The following DDAH1 variants were observed in gnomAD, a reference collection of about 807,000 sequenced individuals.
The protein encoded by DDAH1 is dimethylarginine dimethylaminohydrolase 1.
A neutral mutation model predicts 28.8 loss-of-function variants in DDAH1; 19 were observed. That is an observed-to-expected ratio of 0.66 (90% CI 0.46 to 0.97). DDAH1 has a LOEUF of 0.97. DDAH1 is among the 50% of genes least tolerant of loss of function. The pLI is 0.00. For synonymous variants in DDAH1, 153 were observed against 154.4 expected (o/e 0.99, Z 0.07); for missense variants, 326 against 375.9 (o/e 0.87, Z 1.10).
At chr1:85,547,187 C>T (rs1207873563) in intron 1 of DDAH1, among the ~76,000 whole-genome samples, 1 of 152,196 alleles carries the variant, frequency 6.6e-6, no homozygotes, top group African/African-American at 2.4e-5. Context: ...AGGTTAGCAA[C>T]TTCACTGAGC....
At chr1:85,460,868 GT>G (rs532119313) in intron 1 of DDAH1, among the ~76,000 whole-genome samples, 1 of 152,280 alleles carries the variant, frequency 6.6e-6, no homozygotes, top group African/African-American at 2.4e-5. Flanking sequence ...CTACACAAAA[GT>G]TTTAATTTAA....
intron 1 of DDAH1, among the ~76,000 whole-genome samples, chr1:85,534,944 T>C (rs187120524): frequency 6.6e-6 from 1 of 152,178 alleles, no homozygotes; most frequent in Admixed American, 6.5e-5. Context: ...TGTATACACG[T>C]GACCAAAAAC....
intron 4 of DDAH1, among the ~76,000 whole-genome samples, chr1:85,334,360 G>A (rs549408233): frequency 2.8e-4 from 42 of 151,870 alleles, no homozygotes; most frequent in Non-Finnish European, 4.4e-4. Context: ...GTATGAAAAC[G>A]GACTAATACA....
chr1:85,475,332 G>A (rs922047761), intron 2 of DDAH1, among the ~76,000 whole-genome samples: 2 of 152,196 alleles, frequency 1.3e-5, no homozygotes, highest in South Asian at 2.1e-4. Flanking sequence ...GGAGGAGAAG[G>A]GGGAGGAGGA....
chr1:85,480,324 C>T (rs1038345904), intron 2 of DDAH1, among the ~76,000 whole-genome samples: 1 of 152,098 alleles, frequency 6.6e-6, no homozygotes, highest in African/African-American at 2.4e-5. Context: ...CCTAATAAAC[C>T]TATTCAGGAT....
At chr1:85,546,879 T>C (rs1349924353) in intron 1 of DDAH1, among the ~76,000 whole-genome samples, 3 of 152,120 alleles carry the variant, frequency 2.0e-5, no homozygotes, top group African/African-American at 4.8e-5. Context: ...ACTAACCTCA[T>C]GTTCAGCTGA....
intron 1 of DDAH1, among the ~76,000 whole-genome samples, chr1:85,374,011 A>G (rs762700266): frequency 1.3e-5 from 2 of 152,138 alleles, no homozygotes; most frequent in Non-Finnish European, 2.9e-5. Flanking sequence ...ACTACCTACA[A>G]TTCCAGTAAC....
chr1:85,492,348 G>A (rs1232559497), intron 2 of DDAH1, among the ~76,000 whole-genome samples: 1 of 152,168 alleles, frequency 6.6e-6, no homozygotes, highest in East Asian at 1.9e-4. Context: ...TAGGTTAAGT[G>A]GAACATTGTG....
intron 2 of DDAH1, among the ~76,000 whole-genome samples, chr1:85,484,821 T>C (rs764437150): frequency 7.2e-5 from 11 of 152,230 alleles, no homozygotes; most frequent in Non-Finnish European, 1.5e-4. Context: ...TTTGACCTCC[T>C]GTATGCCTTT....
At chr1:85,386,803 C>A (rs1031334602) in intron 1 of DDAH1, among the ~76,000 whole-genome samples, 2 of 152,210 alleles carry the variant, frequency 1.3e-5, no homozygotes, top group African/African-American at 2.4e-5. Flanking sequence ...CCTGGGCACT[C>A]AAGCTTTCTG....
At chr1:85,551,494 AG>A (rs1363223374) in intron 1 of DDAH1, among the ~76,000 whole-genome samples, 8 of 152,222 alleles carry the variant, frequency 5.3e-5, no homozygotes, top group Non-Finnish European at 1.5e-5. Context: ...TAGGATTTCT[AG>A]ATCAGAAACA....
At chr1:85,327,041 A>G (rs1647448268) in intron 4 of DDAH1, among the ~76,000 whole-genome samples, 1 of 152,234 alleles carries the variant, frequency 6.6e-6, no homozygotes, top group African/African-American at 2.4e-5. Flanking sequence ...AGTTCTTCTT[A>G]TGCAGATTTT....
rs571296471 is a variant in DDAH1, at chr1:85,526,134, T to C, written c.-122-29853A>G. ...GATATGGTGACAAAGGACATGGAAA[T>C]GTAAGTGTCCTGTATGTGCTACAGG... On this transcript the variant is annotated intron_variant, in intron 1 of 6. Transcript: ENST00000426972. 1.3e-5 allele frequency among the ~76,000 whole-genome samples: 2 copies of C among 152,238 alleles called. 1 individual carries two copies. The highest frequency in any genetic ancestry group is 4.2e-4 in the South Asian group (2 of 4,816).
At chr1:85,364,486 T>A (rs1649956245) in intron 1 of DDAH1, among the ~76,000 whole-genome samples, 1 of 152,254 alleles carries the variant, frequency 6.6e-6, no homozygotes, top group South Asian at 2.1e-4. Context: ...TACCCTTTGA[T>A]TTGGAGATGC....
chr1:85,436,682 A>G (rs1653958803), intron 1 of DDAH1, among the ~76,000 whole-genome samples: 1 of 152,172 alleles, frequency 6.6e-6, no homozygotes, highest in South Asian at 2.1e-4. Flanking sequence ...TCAGATGAGT[A>G]TTATGGTGGG....
chr1:85,351,240 C>T (rs1649183420), intron 3 of DDAH1, among the ~76,000 whole-genome samples: 1 of 151,982 alleles, frequency 6.6e-6, no homozygotes, highest in Non-Finnish European at 1.5e-5. Context: ...GGAACATCTG[C>T]CAGGTGGTTG....
At chr1:85,465,319 G>A, upstream of DDAH1, 1 of 657,412 alleles carries the variant, frequency 1.5e-6, no homozygotes, top group Non-Finnish European at 1.9e-6. Flanking sequence ...CGCCGGGCGA[G>A]GAGTGGGGCC....
rs140965112 is a variant in DDAH1 at position 85,540,960 on chromosome 1, TAAAAA to T, written c.-123+37019_-123+37023del. On this transcript the variant is annotated intron_variant, in intron 1 of 6. Coordinates refer to the DDAH1 transcript ENST00000426972. The stretch of plus-strand genomic sequence containing the variant: ...GGGTGAAAGAGCGAGACTCAGTATC[TAAAAA>T]AAAAAAAAAAAAAAAAAATGTATAT... Among the ~76,000 whole-genome samples the T allele has an allele frequency of 2.8e-5, 3 of 106,672 alleles. No individual in the cohort carries two copies. In the Admixed American group the frequency reaches 3.1e-4, roughly 11 times the overall value. The allele number at this position is 106,672 out of a possible 152,430, so 70.0% of individuals were successfully genotyped here. A position where few individuals can be genotyped will look rare whatever the true frequency, so the allele number is the denominator to read the frequency against.
At chr1:85,431,951 T>TACCAAATGAGTACAATCTAATGTTAACAC (rs1653705795) in intron 1 of DDAH1, among the ~76,000 whole-genome samples, 2 of 152,284 alleles carry the variant, frequency 1.3e-5, no homozygotes, top group African/African-American at 4.8e-5. Context: ...TATGCTAACA[T>TACCAAATGAGTACAATCTAATGTTAACAC]ACCAAATGAG....
Sources: allele counts gnomAD v4.1 joint callset (sites outside exome capture counted in the v4.1 genomes callset), GRCh38; gene constraint gnomAD v4.1.1; transcripts MANE v1.5; gene names NCBI Gene and HGNC (gene_info 2026-07-23, HGNC 2026-07-21).